Variants in PDS5A observed in about 807,000 individuals in gnomAD.
PDS5A encodes sister chromatid cohesion protein PDS5 homolog A.
A neutral mutation model predicts 167.1 loss-of-function variants in PDS5A; 42 were observed. The ratio of observed to expected loss-of-function variants is 0.25; its 90% CI spans 0.20 to 0.33. The LOEUF (loss-of-function observed/expected upper bound fraction) is 0.33. Among genes scored for constraint, PDS5A ranks in the 10% least tolerant of loss-of-function variants. The pLI, the probability that PDS5A is intolerant of heterozygous loss-of-function variation, is 1.00. For synonymous variants in PDS5A, 553 were observed against 554.6 expected, an observed-to-expected ratio of 1.00 and a Z score of 0.04; for missense variants, 1,033 against 1,605.9, an observed-to-expected ratio of 0.64 and a Z score of 6.10.
chr4:39,844,521 C>CT (rs1717403215), intron 30 of PDS5A, 135 bp downstream of exon 30: 1 of 572,300 alleles, frequency 1.7e-6, no homozygotes, highest in Non-Finnish European at 3.0e-6. Flanking sequence ...AAAGAAAATA[C>CT]TAAAATTCAT....
chr4:39,908,431 C>T lies in PDS5A; in HGVS notation c.1197G>A (p.Leu399=). 6.2e-7 allele frequency: 1 copy of T among 1,613,308 alleles called. No individual in the cohort carries two copies. The highest frequency in any genetic ancestry group is 1.1e-5 in the South Asian group (1 of 91,060). The change falls in exon 11 of 33, where the codon CTG becomes CTA. Residue 399 remains leucine, a synonymous_variant. Coordinates refer to ENST00000303538, the MANE Select transcript of PDS5A (RefSeq NM_001100399.2). ...KRDLALVNDQ[L]LGFVRERTLD... The stretch of plus-strand genomic sequence containing the variant: ...GTGTTCTTTCCCTTACAAAGCCAAG[C>T]AGCTGATCATTTACTAAGGCCAGGT...
rs144933581 is a variant in PDS5A at position 39,922,792 on chromosome 4, A to G, written c.528-44T>C. Reference sequence around the variant, plus strand: ...AAGAATAAGTAGTAGGAGGAGGAAAAGAAGAGAATTCAAGCTTCTAATAGG... The same window carrying G: ...AAGAATAAGTAGTAGGAGGAGGAAAGGAAGAGAATTCAAGCTTCTAATAGG... On this transcript the variant is annotated intron_variant, in intron 5 of 32. Transcript: ENST00000303538. 1.3e-4 allele frequency: 180 copies of G among 1,370,182 alleles called. No individual in the cohort carries two copies. In the African/African-American group the frequency reaches 2.4e-3, roughly 18 times the overall value. 84.9% of individuals were successfully genotyped at this position (1,370,182 alleles called of 1,614,324 possible). A position where few individuals can be genotyped will look rare whatever the true frequency, so the allele number is the denominator to read the frequency against.
intron 2 of PDS5A, chr4:39,973,415 C>T (rs1197011403): frequency 2.8e-5 from 44 of 1,545,496 alleles, no homozygotes; most frequent in Admixed American, 1.2e-4. Flanking sequence ...TACTGTGGAA[C>T]GGTGTGGACA....
chr4:39,963,126 C>T (rs1729651340), intron 2 of PDS5A, among the ~76,000 whole-genome samples: 1 of 151,962 alleles, frequency 6.6e-6, no homozygotes, highest in Non-Finnish European at 1.5e-5. Context: ...CAAAACCAGC[C>T]TGGACCAACA....
At chr4:39,912,624 A>G (rs765964946) in intron 9 of PDS5A, among the ~76,000 whole-genome samples, 1 of 152,214 alleles carries the variant, frequency 6.6e-6, no homozygotes, top group Non-Finnish European at 1.5e-5. Flanking sequence ...AAATTCTGGC[A>G]CCAACTACTG....
At chr4:39,918,895 T>C (rs965880183) in intron 7 of PDS5A, among the ~76,000 whole-genome samples, 2 of 152,098 alleles carry the variant, frequency 1.3e-5, no homozygotes, top group African/African-American at 4.8e-5. Context: ...AAAATTCATA[T>C]TTACTATGCA....
Position 39,849,617 on chromosome 4 carries a change from T to G in PDS5A, c.3122A>C (p.Lys1041Thr). 6 of 1,610,798 alleles carry G rather than the reference T, an allele frequency of 3.7e-6. No individual in the cohort carries two copies. The highest frequency in any genetic ancestry group is 5.1e-6 in the Non-Finnish European group (6 of 1,177,122). The change falls in exon 27 of 33, where the codon AAG becomes ACG. Residue 1041 changes from lysine to threonine, a missense_variant. Physicochemically the swap from Lys to Thr is moderately conservative, Grantham distance 78. Around this residue, in one of 4 missense-constraint regions of PDS5A, gnomAD observed 367 missense variants for 686.7 expected, o/e 0.53. Coordinates refer to ENST00000303538, the MANE Select transcript of PDS5A (RefSeq NM_001100399.2). Reference protein sequence around the residue: ...LWFMLEVLMTKNENNSHAFMK... With the variant: ...LWFMLEVLMTTNENNSHAFMK... ...AAAGGCATGGCTATTGTTTTCATTC[T>G]TTGTCATTAAAACTTCAAGCATGAA...
intron 7 of PDS5A, among the ~76,000 whole-genome samples, chr4:39,917,572 T>A (rs1724505389): frequency 6.6e-6 from 1 of 151,962 alleles, no homozygotes; most frequent in Non-Finnish European, 1.5e-5. Flanking sequence ...TCTCAATCTT[T>A]GATTTTTTTT....
intron 26 of PDS5A, among the ~76,000 whole-genome samples, chr4:39,856,611 T>C (rs191645548): frequency 2.7e-4 from 41 of 150,712 alleles, no homozygotes; most frequent in Admixed American, 4.6e-4. Flanking sequence ...AGGTCAGGAG[T>C]TCAAGACCAG....
intron 32 of PDS5A, among the ~76,000 whole-genome samples, chr4:39,827,198 C>G (rs986275180): frequency 1.3e-5 from 2 of 152,090 alleles, no homozygotes; most frequent in Admixed American, 1.3e-4. Context: ...TGGGGTTTCA[C>G]TATGTTGGCC....
intron 2 of PDS5A, among the ~76,000 whole-genome samples, chr4:39,941,114 T>C (rs1222794964): frequency 6.6e-6 from 1 of 152,194 alleles, no homozygotes; most frequent in Non-Finnish European, 1.5e-5. Context: ...TCTTCGTAGT[T>C]TTACTTTTCT....
At chr4:39,951,302 T>C (rs1728330162) in intron 2 of PDS5A, among the ~76,000 whole-genome samples, 1 of 152,210 alleles carries the variant, frequency 6.6e-6, no homozygotes, top group Non-Finnish European at 1.5e-5. Context: ...GAGATGATAA[T>C]TGCCAGATCT....
chr4:39,901,246 A>C lies in PDS5A; in HGVS notation c.1500-739T>G, dbSNP rs75127075. On this transcript the variant is annotated intron_variant, in intron 13 of 32. Coordinates refer to ENST00000303538, the MANE Select transcript of PDS5A (RefSeq NM_001100399.2). ...GTAATAGAATTTCTGCCAAAATGAC[A>C]GTCTTTTTTTCTTTTCTTTCTTTTT... Among the ~76,000 whole-genome samples, 634 of 150,330 alleles carry C rather than the reference A, an allele frequency of 4.2e-3. 3 individuals are homozygous for C. Among genetic ancestry groups the C allele is most frequent in the Non-Finnish European group, 6.6e-3 (446 of 67,660 alleles).
chr4:39,844,593 T>C, intron 30 of PDS5A, 63 bp downstream of exon 30: 1 of 1,297,478 alleles, frequency 7.7e-7, no homozygotes, highest in Non-Finnish European at 1.1e-6. Flanking sequence ...GACAGCACTT[T>C]AGGAATAAAA....
chr4:39,965,591 T>C (rs114992017), intron 2 of PDS5A, among the ~76,000 whole-genome samples: 3,380 of 152,280 alleles, frequency 0.022, 116 homozygotes, highest in African/African-American at 0.076. Context: ...TAATAACACA[T>C]GCTATAATAC....
intron 21 of PDS5A, among the ~76,000 whole-genome samples, chr4:39,870,743 A>G (rs1278100417): frequency 2.0e-5 from 3 of 152,176 alleles, no homozygotes; most frequent in Non-Finnish European, 1.5e-5. Flanking sequence ...CAAAACCACA[A>G]TGAGATATCA....
rs934165239 is a variant in PDS5A at position 39,926,952 on chromosome 4, C to T, written c.343-91G>A. 1.1e-5 allele frequency: 12 copies of T among 1,075,874 alleles called. No individual in the cohort carries two copies. In the African/African-American group the frequency reaches 2.0e-4, roughly 18 times the overall value. The allele number at this position is 1,075,874 out of a possible 1,614,324, so 66.6% of individuals were successfully genotyped here. A position where few individuals can be genotyped will look rare whatever the true frequency, so the allele number is the denominator to read the frequency against. On this transcript the variant is annotated intron_variant, in intron 3 of 32. Coordinates refer to ENST00000303538, the MANE Select transcript of PDS5A (RefSeq NM_001100399.2). ...TGTAACTTTATTATTTGTGTACAAA[C>T]TACAATAAAAGAAAATTCTCCTTTA...
At position 39,898,790 on chromosome 4, in the gene PDS5A, C is replaced by T; in HGVS notation, c.1617G>A (p.Leu539=). The part of the protein sequence containing the change: ...EANCSAMFGK[L]MTIAKNLPDP... ...AAACATACTCACTTGCTATGGTCAT[C>T]AGTTTTCCAAACATGGCAGAACAGT... Residue 539 remains leucine, a synonymous_variant, in exon 15 of 33, where the codon CTG becomes CTA. Transcript: ENST00000303538. The T allele has an allele frequency of 6.3e-7, 1 of 1,587,312 alleles. No individual in the cohort carries two copies.
At chr4:39,913,545 T>C in intron 9 of PDS5A, 66 bp downstream of exon 9, 4 of 826,494 alleles carry the variant, frequency 4.8e-6, no homozygotes, top group Admixed American at 1.8e-5. Context: ...ATAGTTTTAA[T>C]CAAGTGGACT....
Sources: gnomAD v4.1 joint callset for allele counts (sites outside exome capture counted in the v4.1 genomes callset) on GRCh38, gnomAD v4.1.1 for gene constraint, gnomAD v4.1.1 regional missense constraint, MANE v1.5 for transcripts, NCBI Gene and HGNC (gene_info 2026-07-23, HGNC 2026-07-21) for gene names.